Variants in WBP1L observed in about 807,000 individuals in gnomAD.
WBP1L encodes the protein WW domain binding protein 1 like.
WBP1L carries 17 observed loss-of-function variants against 33.7 expected under a neutral mutation model. That is an observed-to-expected ratio of 0.50 (90% confidence interval 0.34 to 0.76). WBP1L has a LOEUF of 0.76. Among genes scored for constraint, WBP1L ranks in the 30% least tolerant of loss-of-function variants. The pLI is 0.01. For synonymous variants in WBP1L, 173 were observed against 190.8 expected (o/e 0.91, Z 0.77); for missense variants, 389 against 469.4 (o/e 0.83, Z 1.58).
chr10:102,776,064 T>A (rs1843256935), intron 1 of WBP1L: 1 of 981,064 alleles, frequency 1.0e-6, no homozygotes, highest in Non-Finnish European at 1.2e-6. Flanking sequence ...CTCCTCAGTA[T>A]TCCAGTGCAG....
chr10:102,747,109 A>G (rs913725542), intron 1 of WBP1L, among the ~76,000 whole-genome samples: 1 of 152,168 alleles, frequency 6.6e-6, no homozygotes, highest in East Asian at 1.9e-4. Flanking sequence ...CACCCCTGTA[A>G]TCCCAGCACT....
intron 1 of WBP1L, among the ~76,000 whole-genome samples, chr10:102,789,049 G>A (rs765591747): frequency 3.3e-5 from 5 of 151,960 alleles, no homozygotes; most frequent in African/African-American, 7.3e-5. Flanking sequence ...AACCTCCACC[G>A]CCTGGGTTCA....
intron 1 of WBP1L, among the ~76,000 whole-genome samples, chr10:102,786,545 A>G (rs1211519399): frequency 6.6e-6 from 1 of 152,190 alleles, no homozygotes; most frequent in Non-Finnish European, 1.5e-5. Flanking sequence ...CATGGACCAC[A>G]CTTTTGGGAA....
chr10:102,791,424 C>T (rs1052011944), intron 1 of WBP1L, among the ~76,000 whole-genome samples: 1 of 152,188 alleles, frequency 6.6e-6, no homozygotes, highest in Non-Finnish European at 1.5e-5. Flanking sequence ...TAGCATCCCA[C>T]ATAGTGCCTG....
intron 1 of WBP1L, among the ~76,000 whole-genome samples, chr10:102,766,229 G>T (rs1843105980): frequency 6.6e-6 from 1 of 151,896 alleles, no homozygotes; most frequent in South Asian, 2.1e-4. Flanking sequence ...ATCACCTCAG[G>T]TCGGGAGTTT....
intron 1 of WBP1L, among the ~76,000 whole-genome samples, chr10:102,788,093 C>G (rs1342612607): frequency 6.7e-6 from 1 of 149,860 alleles, no homozygotes; most frequent in African/African-American, 2.4e-5. Context: ...AAAAACAAAA[C>G]CAATACTATC....
chr10:102,799,637 C>A (rs959157603), intron 2 of WBP1L, among the ~76,000 whole-genome samples: 1 of 152,096 alleles, frequency 6.6e-6, no homozygotes, highest in Non-Finnish European at 1.5e-5. Context: ...AGACTGCAGG[C>A]GGTTTCCCCA....
intron 1 of WBP1L, among the ~76,000 whole-genome samples, chr10:102,790,614 A>G (rs761442896): frequency 2.0e-5 from 3 of 151,938 alleles, no homozygotes; most frequent in African/African-American, 4.8e-5. Flanking sequence ...GGGTTCAAGC[A>G]ATTCTCCTGC....
chr10:102,757,569 CTT>C (rs60213859), intron 1 of WBP1L, among the ~76,000 whole-genome samples: 22 of 88,810 alleles, frequency 2.5e-4, no homozygotes, highest in African/African-American at 8.7e-4. Context: ...GTTTCTGAGC[CTT>C]TTTTTTTTTT....
At chr10:102,774,155 G>T (rs190723011) in intron 1 of WBP1L, among the ~76,000 whole-genome samples, 15 of 152,106 alleles carry the variant, frequency 9.9e-5, no homozygotes, top group African/African-American at 3.6e-4. Context: ...TTAGTGCTGC[G>T]TATGTTTTGT....
At chr10:102,798,228 G>A in intron 2 of WBP1L, 133 bp downstream of exon 2, 1 of 687,802 alleles carries the variant, frequency 1.5e-6, no homozygotes, top group Non-Finnish European at 2.5e-6. Context: ...CTGTTTATGG[G>A]TTCCAGAAGT....
rs149688294 is a variant in WBP1L at position 102,772,809 on chromosome 10, A to G, written c.91-25184A>G. On this transcript the variant is annotated intron_variant, in intron 1 of 3. Coordinates refer to ENST00000448841, the MANE Select transcript of WBP1L (RefSeq NM_001083913.2). ...GGTTTTGAACTCCTGGGCTCAAGCA[A>G]TCTGCCCACCTCAGCCTCCCAAAGT... Among the ~76,000 whole-genome samples the G allele has an allele frequency of 7.3e-4, 110 of 151,716 alleles. No homozygotes were observed. The East Asian group carries it at 0.019, about 26-fold the overall frequency.
intron 2 of WBP1L, among the ~76,000 whole-genome samples, chr10:102,801,779 CTATT>C (rs752236787): frequency 2.0e-5 from 3 of 152,146 alleles, no homozygotes; most frequent in Non-Finnish European, 4.4e-5. Context: ...ACAAAACAGG[CTATT>C]AGCAAATCCT....
chr10:102,788,790 C>T (rs1417714358), intron 1 of WBP1L, among the ~76,000 whole-genome samples: 1 of 152,072 alleles, frequency 6.6e-6, no homozygotes, highest in Non-Finnish European at 1.5e-5. Context: ...AGAGCAGCCA[C>T]AACCTGGCTG....
rs1428266187 is a variant in WBP1L at position 102,813,272 on chromosome 10, C to T, written c.1033C>T (p.Leu345=). The stretch of plus-strand genomic sequence containing the variant: ...GCCACGGCCGCCCGCATGCCTGCTG[C>T]TGAACACCATCAACGAGCAGGACTC... ...HLPRPPACLL[L]NTINEQDSPN... The change falls in exon 4 of 4, where the codon CTG becomes TTG. Residue 345 remains leucine (L), a synonymous_variant. Transcript: ENST00000448841. 3 of 1,613,060 alleles carry T rather than the reference C, an allele frequency of 1.9e-6. No homozygotes were observed. The highest frequency in any genetic ancestry group is 1.1e-5 in the South Asian group (1 of 91,066).
At chr10:102,780,464 T>C (rs1843321083) in intron 1 of WBP1L, among the ~76,000 whole-genome samples, 1 of 152,212 alleles carries the variant, frequency 6.6e-6, no homozygotes, top group Admixed American at 6.5e-5. Context: ...TTCTTAGTCA[T>C]GATTTGAACG....
At chr10:102,778,262 G>C (rs1379963886) in intron 1 of WBP1L, among the ~76,000 whole-genome samples, 1 of 152,242 alleles carries the variant, frequency 6.6e-6, no homozygotes, top group Admixed American at 6.5e-5. Context: ...ACAGGAGCCA[G>C]GTGTGCTGGG....
intron 1 of WBP1L, among the ~76,000 whole-genome samples, chr10:102,758,355 A>G (rs1843001802): frequency 6.6e-6 from 1 of 152,184 alleles, no homozygotes; most frequent in African/African-American, 2.4e-5. Context: ...CCTTATAGCC[A>G]TTAGCATTCA....
At chr10:102,772,531 G>T (rs1010095932) in intron 1 of WBP1L, among the ~76,000 whole-genome samples, 3 of 139,304 alleles carry the variant, frequency 2.2e-5, no homozygotes, top group African/African-American at 8.1e-5. Context: ...AAAGTGCTGG[G>T]ATTACAAGCA....
Sources: gnomAD v4.1 joint callset for allele counts (sites outside exome capture counted in the v4.1 genomes callset) on GRCh38, gnomAD v4.1.1 for gene constraint, MANE v1.5 for transcripts, NCBI Gene and HGNC (gene_info 2026-07-23, HGNC 2026-07-21) for gene names.